SIPA1L3: variants seen among roughly 807,000 people sequenced by gnomAD.
SIPA1L3 encodes signal induced proliferation associated 1 like 3, also known as signal-induced proliferation-associated 1-like protein 3.
SIPA1L3 carries 59 observed loss-of-function variants against 150.1 expected under a neutral mutation model. The ratio of observed to expected loss-of-function variants is 0.39; its 90% CI spans 0.32 to 0.49. SIPA1L3 has a LOEUF of 0.49. SIPA1L3 is among the 20% of genes least tolerant of loss of function. The pLI, the probability that SIPA1L3 is intolerant of heterozygous loss-of-function variation, is 0.86. For synonymous variants in SIPA1L3, 1,070 were observed against 1,077.6 expected (o/e 0.99, Z 0.14); for missense variants, 2,211 against 2,489.5 (o/e 0.89, Z 2.38).
intron 1 of SIPA1L3, among the ~76,000 whole-genome samples, chr19:37,974,581 G>A (rs905812855): frequency 6.6e-6 from 1 of 152,094 alleles, no homozygotes; most frequent in African/African-American, 2.4e-5. Flanking sequence ...GGTTCTAGCC[G>A]GTACTGTCAT....
chr19:38,131,141 A>G (rs1971298536), intron 10 of SIPA1L3, among the ~76,000 whole-genome samples: 1 of 152,196 alleles, frequency 6.6e-6, no homozygotes, highest in Non-Finnish European at 1.5e-5. Context: ...TACTGTGTGC[A>G]AGCTCTGTTC....
At chr19:37,913,226 T>C (rs1167536908) in intron 1 of SIPA1L3, among the ~76,000 whole-genome samples, 2 of 152,178 alleles carry the variant, frequency 1.3e-5, no homozygotes, top group African/African-American at 4.8e-5. Flanking sequence ...TCATTAGCCC[T>C]GTGCAGTTAG....
At chr19:38,160,056 G>C (rs146540737) in intron 13 of SIPA1L3, among the ~76,000 whole-genome samples, 15 of 152,264 alleles carry the variant, frequency 9.9e-5, no homozygotes, top group Admixed American at 6.5e-5. Flanking sequence ...CTGTTGCCCA[G>C]GATGGAGTGT....
intron 8 of SIPA1L3, 129 bp downstream of exon 8, chr19:38,110,513 C>T: frequency 1.6e-6 from 1 of 637,428 alleles, no homozygotes; most frequent in Non-Finnish European, 2.6e-6. Flanking sequence ...GGCGTATACT[C>T]CCCACACCAT....
intron 1 of SIPA1L3, among the ~76,000 whole-genome samples, chr19:38,006,677 TC>T (rs1485259008): frequency 6.6e-6 from 1 of 152,108 alleles, no homozygotes; most frequent in African/African-American, 2.4e-5. Context: ...GCGGGGGGCA[TC>T]CAGGCTTCTC....
intron 16 of SIPA1L3, chr19:38,184,658 A>G (rs1972638472): frequency 6.6e-6 from 1 of 152,226 alleles, no homozygotes. Flanking sequence ...ACATGGAGAC[A>G]TTCAAATCCG....
chr19:38,095,846 G>A (rs562968251), intron 4 of SIPA1L3, among the ~76,000 whole-genome samples: 1 of 152,192 alleles, frequency 6.6e-6, no homozygotes, highest in Non-Finnish European at 1.5e-5. Context: ...TCTCCAGGGA[G>A]GAAGAAGGAA....
At chr19:37,927,914 A>G (rs562838322) in intron 1 of SIPA1L3, among the ~76,000 whole-genome samples, 2 of 152,214 alleles carry the variant, frequency 1.3e-5, no homozygotes, top group East Asian at 1.9e-4. Context: ...TCCATGGTAT[A>G]TATGTACCAC....
Position 38,119,071 on chromosome 19 carries a change from C to G in SIPA1L3, c.2292-235C>G, listed in dbSNP as rs1970956219. Among the ~76,000 whole-genome samples the G allele has an allele frequency of 3.9e-5, 6 of 152,228 alleles. No individual in the cohort carries two copies. In the South Asian group the frequency reaches 1.2e-3, roughly 32 times the overall value. On this transcript the variant is annotated intron_variant, in intron 8 of 21. Transcript: ENST00000222345. Reference sequence around the variant, plus strand: ...ATTGGCTGGGCATGGTGGTATAAGCCTGTAGTCCCAGCTACTTGGGAGGCT... The same window carrying G: ...ATTGGCTGGGCATGGTGGTATAAGCGTGTAGTCCCAGCTACTTGGGAGGCT...
At chr19:37,923,998 C>A (rs1446049355) in intron 1 of SIPA1L3, among the ~76,000 whole-genome samples, 1 of 152,150 alleles carries the variant, frequency 6.6e-6, no homozygotes, top group Non-Finnish European at 1.5e-5. Context: ...TGGTCTCGAA[C>A]TCCTACCCTC....
At chr19:38,154,373 T>C (rs1971894969) in intron 13 of SIPA1L3, among the ~76,000 whole-genome samples, 1 of 152,216 alleles carries the variant, frequency 6.6e-6, no homozygotes, top group South Asian at 2.1e-4. Context: ...TGAACATAGG[T>C]TCACATTTCT....
chr19:38,078,985 A>G (rs887744182), intron 2 of SIPA1L3, among the ~76,000 whole-genome samples: 11 of 152,210 alleles, frequency 7.2e-5, no homozygotes, highest in African/African-American at 2.7e-4. Context: ...ATCAGGAGGT[A>G]CTTACACCTC....
intron 1 of SIPA1L3, among the ~76,000 whole-genome samples, chr19:38,011,228 A>G (rs1457809003): frequency 6.6e-6 from 1 of 152,120 alleles, no homozygotes; most frequent in Non-Finnish European, 1.5e-5. Context: ...TAATGCCAAC[A>G]CTTTGGGAGG....
At position 38,082,374 on chromosome 19, in the gene SIPA1L3, G is replaced by T; in HGVS notation, c.809G>T (p.Ser270Ile). The T allele has an allele frequency of 6.3e-7, 1 of 1,597,500 alleles. No homozygotes were observed. Among genetic ancestry groups the T allele is most frequent in the South Asian group, 1.1e-5 (1 of 90,770 alleles). The change falls in exon 3 of 22, where the codon AGC becomes ATC. Residue 270 changes from serine to isoleucine, a missense_variant. This residue lies in a region of SIPA1L3 where 587 missense variants were observed against 534.5 expected (regional missense o/e 1.10). Transcript: ENST00000222345. ...CACAACGGGCAGCCCGCCAAGGACA[G>T]CCTCCTGCCACTGCAGCCCACGAAG... ...DSHNGQPAKD[S>I]LLPLQPTKEK...
At chr19:37,955,940 T>C (rs2046806572) in intron 1 of SIPA1L3, among the ~76,000 whole-genome samples, 1 of 152,230 alleles carries the variant, frequency 6.6e-6, no homozygotes, top group African/African-American at 2.4e-5. Context: ...TTGGTAACTC[T>C]GTTTAAGTTT....
chr19:38,192,833 C>T (rs556047625), intron 17 of SIPA1L3, among the ~76,000 whole-genome samples: 22 of 152,286 alleles, frequency 1.4e-4, no homozygotes, highest in African/African-American at 4.3e-4. Context: ...CCCCAGCCTC[C>T]CCAGGGTTGG....
intron 18 of SIPA1L3, 133 bp downstream of exon 18, chr19:38,193,913 GGTTC>G: frequency 9.3e-7 from 1 of 1,071,016 alleles, no homozygotes. Context: ...GGAGGAATGG[GGTTC>G]ACAGGAACTT....
At chr19:38,203,840 AC>A (rs1973143929) in intron 20 of SIPA1L3, 2 of 411,414 alleles carry the variant, frequency 4.9e-6, no homozygotes, top group Non-Finnish European at 8.8e-6. Context: ...CCCTGAAGTC[AC>A]ATGCACGGCC....
chr19:38,010,267 G>A (rs1309900129), intron 1 of SIPA1L3, among the ~76,000 whole-genome samples: 1 of 152,058 alleles, frequency 6.6e-6, no homozygotes, highest in African/African-American at 2.4e-5. Context: ...AATGAGCTGG[G>A]CATGTTGGCT....
Sources: gnomAD v4.1 joint callset for allele counts (sites outside exome capture counted in the v4.1 genomes callset) on GRCh38, gnomAD v4.1.1 for gene constraint, gnomAD v4.1.1 regional missense constraint, MANE v1.5 for transcripts, NCBI Gene and HGNC (gene_info 2026-07-23, HGNC 2026-07-21) for gene names.